TMTC2: variants seen among roughly 807,000 people sequenced by gnomAD.
The protein encoded by TMTC2 is transmembrane O-mannosyltransferase targeting cadherins 2, also known as protein O-mannosyl-transferase TMTC2.
TMTC2 carries 43 observed loss-of-function variants against 82.4 expected under a neutral mutation model. The ratio of observed to expected loss-of-function variants is 0.52; its 90% CI spans 0.41 to 0.67. TMTC2 has a LOEUF of 0.67. Ranked by LOEUF, TMTC2 falls within the 30% of genes least tolerant of loss-of-function variation. The pLI, the probability that TMTC2 is intolerant of heterozygous loss-of-function variation, is 0.00. For synonymous variants in TMTC2, 408 were observed against 381.9 expected, an observed-to-expected ratio of 1.07 and a Z score of -0.80; for missense variants, 919 against 1,012.4, an observed-to-expected ratio of 0.91 and a Z score of 1.25.
At position 83,096,866 on chromosome 12, in the gene TMTC2, C is replaced by T. The variant is rs184479082; in HGVS notation, c.2331+35035C>T. On this transcript the variant is annotated intron_variant, in intron 11 of 11. Coordinates refer to ENST00000321196, the MANE Select transcript of TMTC2 (RefSeq NM_152588.3). ...TTTCTACTCATTCATCTGATCTCAA[C>T]AATTATTTTCTAGGGAAGTCTTCCC... 2.4e-4 allele frequency among the ~76,000 whole-genome samples: 36 copies of T among 152,286 alleles called. No individual in the cohort carries two copies. The East Asian group carries it at 6.8e-3, about 29-fold the overall frequency.
chr12:83,018,286 T>C (rs1880766451), intron 8 of TMTC2, among the ~76,000 whole-genome samples: 1 of 152,128 alleles, frequency 6.6e-6, no homozygotes, highest in Non-Finnish European at 1.5e-5. Flanking sequence ...ACAAGACAGC[T>C]TTTCTTACCA....
chr12:83,006,628 G>T (rs964220979), intron 8 of TMTC2, among the ~76,000 whole-genome samples: 1 of 152,144 alleles, frequency 6.6e-6, no homozygotes, highest in Non-Finnish European at 1.5e-5. Flanking sequence ...TATAAATCAT[G>T]CTGCTATAAA....
intron 1 of TMTC2, among the ~76,000 whole-genome samples, chr12:82,784,036 A>G (rs1425127915): frequency 6.6e-6 from 1 of 152,128 alleles, no homozygotes; most frequent in African/African-American, 2.4e-5. Context: ...ATTAGCAGAC[A>G]TGAATATGTA....
intron 1 of TMTC2, among the ~76,000 whole-genome samples, chr12:82,731,993 G>A (rs1212285286): frequency 3.9e-5 from 6 of 152,108 alleles, no homozygotes; most frequent in African/African-American, 7.2e-5. Context: ...TCCTGTTAAC[G>A]AGGGATGATG....
intron 3 of TMTC2, among the ~76,000 whole-genome samples, chr12:82,906,263 A>G (rs1874300783): frequency 6.6e-6 from 1 of 152,196 alleles, no homozygotes; most frequent in African/African-American, 2.4e-5. Context: ...TAGCTTTGAA[A>G]TGGTGTAACA....
intron 7 of TMTC2, among the ~76,000 whole-genome samples, chr12:82,978,525 G>C (rs1235183359): frequency 1.3e-5 from 2 of 151,574 alleles, no homozygotes; most frequent in Non-Finnish European, 1.5e-5. Flanking sequence ...TTGATTTCTA[G>C]TTTTATTCCA....
At chr12:82,930,668 A>T in intron 4 of TMTC2, 123 bp downstream of exon 4, 1 of 555,936 alleles carries the variant, frequency 1.8e-6, no homozygotes, top group East Asian at 3.0e-5. Context: ...CTTTTTGTTA[A>T]TCATGCCTCT....
intron 1 of TMTC2, among the ~76,000 whole-genome samples, chr12:82,810,604 A>C (rs1410248557): frequency 3.3e-5 from 5 of 152,010 alleles, no homozygotes; most frequent in African/African-American, 1.2e-4. Context: ...ACTGTTTTTC[A>C]TTCACTTTAT....
At position 82,920,645 on chromosome 12, in the gene TMTC2, G is replaced by A. The variant is rs577701918; in HGVS notation, c.1484-9786G>A. 3.3e-5 allele frequency among the ~76,000 whole-genome samples: 5 copies of A among 151,990 alleles called. No individual in the cohort carries two copies. In the South Asian group the frequency reaches 6.3e-4, roughly 19 times the overall value. ...CTTCTTCACTTCTTGATTTTTTTTA[G>A]CAGAAGAATTTCTTTTTATTTTTGA... On this transcript the variant is annotated intron_variant, in intron 3 of 11. Coordinates refer to ENST00000321196, the MANE Select transcript of TMTC2 (RefSeq NM_152588.3).
chr12:82,855,845 T>A (rs1871238854), intron 1 of TMTC2, among the ~76,000 whole-genome samples: 1 of 152,252 alleles, frequency 6.6e-6, no homozygotes, highest in Admixed American at 6.5e-5. Flanking sequence ...GATATGGTAA[T>A]GAAATTTACT....
chr12:82,781,697 T>C (rs1254663005), intron 1 of TMTC2, among the ~76,000 whole-genome samples: 2 of 148,388 alleles, frequency 1.3e-5, no homozygotes, highest in African/African-American at 5.1e-5. Context: ...GTTGTTATTA[T>C]TATTGTTTTT....
intron 2 of TMTC2, among the ~76,000 whole-genome samples, chr12:82,863,981 A>C (rs1178288760): frequency 6.6e-6 from 1 of 152,122 alleles, no homozygotes; most frequent in Non-Finnish European, 1.5e-5. Context: ...GGGGATCAAG[A>C]AATGCCTTCT....
chr12:82,994,072 C>T (rs1879513069), intron 8 of TMTC2, among the ~76,000 whole-genome samples: 1 of 152,080 alleles, frequency 6.6e-6, no homozygotes, highest in Non-Finnish European at 1.5e-5. Context: ...TAACATTTGC[C>T]CTCTACCCCT....
intron 2 of TMTC2, among the ~76,000 whole-genome samples, chr12:82,895,023 G>A (rs1024610537): frequency 6.9e-6 from 1 of 144,722 alleles, no homozygotes; most frequent in Non-Finnish European, 1.5e-5. Context: ...CACCACGTTT[G>A]CCAGACTGGT....
intron 9 of TMTC2, among the ~76,000 whole-genome samples, chr12:83,046,506 C>T (rs1432523784): frequency 6.6e-6 from 1 of 152,158 alleles, no homozygotes; most frequent in African/African-American, 2.4e-5. Flanking sequence ...GGTAACTTTG[C>T]AGGCCCTGTA....
chr12:82,998,448 T>C (rs531226158), intron 8 of TMTC2, among the ~76,000 whole-genome samples: 1 of 152,284 alleles, frequency 6.6e-6, no homozygotes, highest in Admixed American at 6.5e-5. Context: ...AGAATACTAG[T>C]TAAAAAAAAC....
At chr12:83,035,888 T>G (rs1179810792) in intron 9 of TMTC2, among the ~76,000 whole-genome samples, 3 of 152,204 alleles carry the variant, frequency 2.0e-5, no homozygotes, top group Non-Finnish European at 4.4e-5. Flanking sequence ...TTGAAACAAT[T>G]TAAATCAATG....
Position 82,939,714 on chromosome 12 carries a change from T to G in TMTC2, c.1598+9169T>G, listed in dbSNP as rs1467972607. ...ACACAGTTCATTGCTATGGACTCTATTCTGTTCTGTTGGTAACCCCTGTCA... is the reference window on the plus strand; with the variant it reads ...ACACAGTTCATTGCTATGGACTCTAGTCTGTTCTGTTGGTAACCCCTGTCA... On this transcript the variant is annotated intron_variant, in intron 4 of 11. Transcript: ENST00000321196. 2.0e-5 allele frequency among the ~76,000 whole-genome samples: 3 copies of G among 152,280 alleles called. No individual in the cohort carries two copies. In the East Asian group the frequency reaches 5.8e-4, roughly 29 times the overall value.
intron 8 of TMTC2, among the ~76,000 whole-genome samples, chr12:83,022,430 C>T (rs1565857406): frequency 2.1e-5 from 3 of 140,818 alleles, no homozygotes; most frequent in South Asian, 4.6e-4. Context: ...GCACTGAAGA[C>T]TGACAGTGTT....
Sources: gnomAD v4.1 joint callset for allele counts (sites outside exome capture counted in the v4.1 genomes callset) on GRCh38, gnomAD v4.1.1 for gene constraint, MANE v1.5 for transcripts, NCBI Gene and HGNC (gene_info 2026-07-23, HGNC 2026-07-21) for gene names.